PDE4D: variants seen among roughly 807,000 people sequenced by gnomAD.
The protein encoded by PDE4D is 3',5'-cyclic-AMP phosphodiesterase 4D.
A neutral mutation model predicts 87.4 loss-of-function variants in PDE4D; 24 were observed. The ratio of observed to expected loss-of-function variants is 0.27; its 90% confidence interval spans 0.20 to 0.39. The LOEUF is 0.39. Ranked by LOEUF, PDE4D falls within the 10% of genes least tolerant of loss-of-function variation. The pLI is 1.00. For synonymous variants in PDE4D, 384 were observed against 383.2 expected (o/e 1.00, Z -0.02); for missense variants, 714 against 1,041.0 (o/e 0.69, Z 4.32).
chr5:60,487,203 A>G (rs1749213007), intron 1 of PDE4D, among the ~76,000 whole-genome samples: 1 of 152,220 alleles, frequency 6.6e-6, no homozygotes, highest in Admixed American at 6.5e-5. Flanking sequence ...ATACAAACCT[A>G]ATAACGGCTT....
chr5:59,121,934 G>A (rs1376488146), intron 5 of PDE4D, among the ~76,000 whole-genome samples: 2 of 152,024 alleles, frequency 1.3e-5, no homozygotes. Context: ...ACGTGGTCAG[G>A]AGATCCAGAC....
intron 1 of PDE4D, among the ~76,000 whole-genome samples, chr5:59,283,501 TTG>T (rs1766250237): frequency 6.6e-6 from 1 of 152,174 alleles, no homozygotes; most frequent in South Asian, 2.1e-4. Flanking sequence ...TCAGCCTTTT[TTG>T]TGTGTTAAAT....
intron 1 of PDE4D, among the ~76,000 whole-genome samples, chr5:59,405,723 T>A (rs942110211): frequency 6.6e-6 from 1 of 152,154 alleles, no homozygotes; most frequent in Non-Finnish European, 1.5e-5. Flanking sequence ...CTATCCTCAG[T>A]TTTTTGAGTT....
chr5:59,181,541 C>CATATATATA (rs61135815), intron 4 of PDE4D, among the ~76,000 whole-genome samples: 3,960 of 60,468 alleles, frequency 0.065, 166 homozygotes, highest in Admixed American at 0.13. Flanking sequence ...TCAAAGATGT[C>CATATATATA]TGATATATAT....
chr5:60,129,420 T>G (rs188484050), intron 2 of PDE4D, among the ~76,000 whole-genome samples: 1 of 152,202 alleles, frequency 6.6e-6, no homozygotes, highest in Non-Finnish European at 1.5e-5. Flanking sequence ...ATTAACATGA[T>G]TGAGAATTTC....
At chr5:59,676,467 A>G (rs1180507006) in intron 1 of PDE4D, among the ~76,000 whole-genome samples, 1 of 152,194 alleles carries the variant, frequency 6.6e-6, no homozygotes, top group Non-Finnish European at 1.5e-5. Flanking sequence ...GTTTTATGAT[A>G]CAGATTAAAC....
chr5:59,036,060 C>G (rs555840282), intron 6 of PDE4D, among the ~76,000 whole-genome samples: 23 of 152,118 alleles, frequency 1.5e-4, no homozygotes. Flanking sequence ...GCTCCTAGAG[C>G]ATCATTTAAA....
rs193093636 is a variant in PDE4D at position 60,410,977 on chromosome 5, G to A, written c.-90+76965C>T. 1.9e-3 allele frequency among the ~76,000 whole-genome samples: 288 copies of A among 152,318 alleles called. 1 individual carries two copies. The highest frequency in any genetic ancestry group is 3.2e-3 in the Non-Finnish European group (219 of 68,022). ...GGTACCATTACCCCATTTTACGTAT[G>A]AGAATAGTGAACTAAAAAAGCTGCA... On this transcript the variant is annotated intron_variant, in intron 1 of 16. Coordinates refer to the PDE4D transcript ENST00000502484.
intron 1 of PDE4D, among the ~76,000 whole-genome samples, chr5:59,375,689 A>T (rs1784597552): frequency 1.3e-5 from 2 of 152,162 alleles, no homozygotes; most frequent in South Asian, 4.1e-4. Context: ...CTCATTCTAC[A>T]AGGCCAGCAT....
At chr5:59,312,637 C>T (rs1301888747) in intron 1 of PDE4D, among the ~76,000 whole-genome samples, 1 of 152,170 alleles carries the variant, frequency 6.6e-6, no homozygotes, top group Non-Finnish European at 1.5e-5. Flanking sequence ...GGGACTAGTC[C>T]TAAAGGACAA....
At chr5:59,141,051 G>A (rs1777822072) in intron 5 of PDE4D, among the ~76,000 whole-genome samples, 1 of 152,186 alleles carries the variant, frequency 6.6e-6, no homozygotes, top group Admixed American at 6.5e-5. Context: ...TGTGGCAGAA[G>A]AAAAGTTCAG....
At chr5:60,061,663 C>T (rs962807349) in intron 2 of PDE4D, among the ~76,000 whole-genome samples, 5 of 152,116 alleles carry the variant, frequency 3.3e-5, no homozygotes, top group African/African-American at 1.2e-4. Flanking sequence ...GGAGGCATCA[C>T]ACTACCTGAC....
intron 1 of PDE4D, among the ~76,000 whole-genome samples, chr5:59,755,648 G>A (rs561531092): frequency 7.2e-5 from 11 of 151,992 alleles, no homozygotes; most frequent in Admixed American, 1.3e-4. Flanking sequence ...TAAATCATAC[G>A]CTGTTCTATT....
chr5:60,423,240 C>T (rs1317676313), intron 1 of PDE4D, among the ~76,000 whole-genome samples: 1 of 152,344 alleles, frequency 6.6e-6, no homozygotes, highest in East Asian at 1.9e-4. Context: ...ACAGAATATA[C>T]ATTCTTCTCA....
chr5:60,336,886 T>C (rs2149884335), intron 1 of PDE4D, among the ~76,000 whole-genome samples: 1 of 152,322 alleles, frequency 6.6e-6, no homozygotes, highest in Admixed American at 6.5e-5. Flanking sequence ...GGATAATTTT[T>C]AGTATAAATA....
At chr5:60,161,708 G>T (rs1437356234) in intron 2 of PDE4D, among the ~76,000 whole-genome samples, 1 of 152,074 alleles carries the variant, frequency 6.6e-6, no homozygotes. Context: ...CTGAATTCAT[G>T]CCACTTGCAA....
At chr5:59,474,416 C>T (rs1410861404) in intron 1 of PDE4D, among the ~76,000 whole-genome samples, 2 of 152,140 alleles carry the variant, frequency 1.3e-5, no homozygotes, top group African/African-American at 4.8e-5. Flanking sequence ...ATACTTCTAG[C>T]TTTCCTTTTT....
At chr5:59,700,277 C>T (rs2150446972) in intron 1 of PDE4D, among the ~76,000 whole-genome samples, 1 of 152,234 alleles carries the variant, frequency 6.6e-6, no homozygotes, top group Admixed American at 6.5e-5. Flanking sequence ...AATAGAAAAA[C>T]ATTTTGTGGT....
chr5:59,085,368 C>G (rs946338581), intron 5 of PDE4D, among the ~76,000 whole-genome samples: 2 of 152,126 alleles, frequency 1.3e-5, no homozygotes, highest in Non-Finnish European at 2.9e-5. Flanking sequence ...CATACACACT[C>G]TCACACACAG....
Sources: gnomAD v4.1 joint callset for allele counts (sites outside exome capture counted in the v4.1 genomes callset) on GRCh38, gnomAD v4.1.1 for gene constraint, MANE v1.5 for transcripts, NCBI Gene and HGNC (gene_info 2026-07-23, HGNC 2026-07-21) for gene names.